Variants in DMD observed in about 807,000 individuals in gnomAD.
DMD encodes the protein dystrophin, also known as mutant dystrophin.
A neutral mutation model predicts 330.1 loss-of-function variants in DMD; 63 were observed. That is an observed-to-expected ratio of 0.19 (90% CI 0.16 to 0.24). The LOEUF (loss-of-function observed/expected upper bound fraction) is 0.24. Ranked by LOEUF, DMD falls within the 10% of genes least tolerant of loss-of-function variation. The pLI, the probability that DMD is intolerant of heterozygous loss-of-function variation, is 1.00. For synonymous variants in DMD, 1,223 were observed against 959.8 expected, an observed-to-expected ratio of 1.27 and a Z score of -5.07; for missense variants, 3,344 against 2,684.1, an observed-to-expected ratio of 1.25 and a Z score of -5.43.
intron 42 of DMD, among the ~76,000 whole-genome samples, chrX:32,309,789 G>A (rs965468516): frequency 9.0e-6 from 1 of 111,158 alleles, no homozygotes; most frequent in African/African-American, 3.3e-5. Context: ...TTCCATCAAA[G>A]TTTATTTACT....
chrX:33,147,666 G>A (rs2048096961), intron 1 of DMD, among the ~76,000 whole-genome samples: 1 of 111,274 alleles, frequency 9.0e-6, no homozygotes, highest in Non-Finnish European at 1.9e-5. Context: ...TTGGTCATAT[G>A]ATTCACTACA....
chrX:31,238,645 T>G (rs891699450), intron 63 of DMD, among the ~76,000 whole-genome samples: 17 of 112,103 alleles, frequency 1.5e-4, no homozygotes, highest in African/African-American at 5.5e-4. Context: ...TACGGTTGCA[T>G]CCCAGAGCCT....
At chrX:31,432,617 G>C (rs1241146514) in intron 60 of DMD, among the ~76,000 whole-genome samples, 1 of 111,577 alleles carries the variant, frequency 9.0e-6, no homozygotes, top group Admixed American at 9.5e-5. Context: ...CATTTAGACT[G>C]ACAAATGCCT....
intron 1 of DMD, among the ~76,000 whole-genome samples, chrX:33,274,411 A>G (rs2053204772): frequency 8.9e-6 from 1 of 111,752 alleles, no homozygotes; most frequent in African/African-American, 3.2e-5. Context: ...TCAGAGTCTT[A>G]GTCTGAACTA....
At chrX:33,155,799 GAA>G (rs767019506) in intron 1 of DMD, among the ~76,000 whole-genome samples, 15 of 100,286 alleles carry the variant, frequency 1.5e-4, no homozygotes, top group African/African-American at 4.7e-4. Context: ...TCTCTACAAA[GAA>G]AAAAAAAAAA....
intron 43 of DMD, among the ~76,000 whole-genome samples, chrX:32,260,013 G>T (rs940350635): frequency 9.0e-6 from 1 of 111,290 alleles, no homozygotes; most frequent in Non-Finnish European, 1.9e-5. Context: ...AAAATTTTTT[G>T]TCTGTCCAAT....
chrX:32,686,075 T>A (rs1473075025), intron 9 of DMD, among the ~76,000 whole-genome samples: 1 of 111,856 alleles, frequency 8.9e-6, no homozygotes, highest in Non-Finnish European at 1.9e-5. Flanking sequence ...ATGTATGACA[T>A]AATAGGAGGC....
At chrX:33,304,893 C>G (rs368722986) in intron 1 of DMD, among the ~76,000 whole-genome samples, 1 of 103,724 alleles carries the variant, frequency 9.6e-6, no homozygotes, top group Middle Eastern at 4.9e-3. Flanking sequence ...GTTAGAATGG[C>G]GATCATTAAA....
chrX:32,650,781 T>A (rs1481563053), intron 9 of DMD, among the ~76,000 whole-genome samples: 1 of 112,259 alleles, frequency 8.9e-6, no homozygotes, highest in Non-Finnish European at 1.9e-5. Flanking sequence ...CATGGCCTGC[T>A]GTTAGGGCAA....
intron 2 of DMD, among the ~76,000 whole-genome samples, chrX:32,940,119 A>G (rs2090303364): frequency 8.9e-6 from 1 of 111,876 alleles, no homozygotes; most frequent in Non-Finnish European, 1.9e-5. Flanking sequence ...CCAACTTCAA[A>G]CTATACTATA....
chrX:32,525,468 C>T (rs889755646), intron 17 of DMD, among the ~76,000 whole-genome samples: 2 of 111,579 alleles, frequency 1.8e-5, no homozygotes, highest in African/African-American at 6.5e-5. Context: ...CTACATCCAA[C>T]GCTTAGTTTT....
chrX:33,109,337 G>A lies in DMD; in HGVS notation c.32-89137C>T, dbSNP rs57153799. Among the ~76,000 whole-genome samples, 804 of 111,692 alleles carry A rather than the reference G, an allele frequency of 7.2e-3. 7 individuals carry two copies. The highest frequency in any genetic ancestry group is 0.025 in the African/African-American group (766 of 30,813). On this transcript the variant is annotated intron_variant, in intron 1 of 78. Transcript: ENST00000357033. Reference sequence around the variant, plus strand: ...CTCAACAAAGAATGCAAGCAAAATTGTCTTAATCTAGAACAGTTTGAAAAC... The same window carrying A: ...CTCAACAAAGAATGCAAGCAAAATTATCTTAATCTAGAACAGTTTGAAAAC...
At chrX:31,911,783 C>T (rs774409511) in intron 47 of DMD, among the ~76,000 whole-genome samples, 15 of 111,059 alleles carry the variant, frequency 1.4e-4, no homozygotes, top group East Asian at 5.7e-4. Flanking sequence ...TGACAATGAC[C>T]GATTGAGACC....
At chrX:31,660,254 A>T (rs1238806311) in intron 53 of DMD, among the ~76,000 whole-genome samples, 1 of 112,053 alleles carries the variant, frequency 8.9e-6, no homozygotes, top group Non-Finnish European at 1.9e-5. Flanking sequence ...CTTTTCTTCC[A>T]TACTCCTTTT....
upstream of DMD, among the ~76,000 whole-genome samples, chrX:33,216,026 T>A: frequency 9.0e-6 from 1 of 111,712 alleles, no homozygotes; most frequent in Non-Finnish European, 1.9e-5. Context: ...TCCATACAAA[T>A]TTGGATTAGT....
chrX:33,210,217 G>T (rs1365416230), intron 1 of DMD, among the ~76,000 whole-genome samples: 3 of 109,449 alleles, frequency 2.7e-5, no homozygotes, highest in African/African-American at 1.0e-4. Context: ...TTTTCCCAGT[G>T]GCAAAACTTC....
intron 7 of DMD, among the ~76,000 whole-genome samples, chrX:32,730,109 G>T (rs187929822): frequency 1.7e-4 from 19 of 112,052 alleles, no homozygotes; most frequent in Admixed American, 7.6e-4. Context: ...GAGGCAGGAG[G>T]ATCGCTTGAG....
chrX:32,777,066 TTTTTG>T, intron 7 of DMD, among the ~76,000 whole-genome samples: 1 of 109,381 alleles, frequency 9.1e-6, no homozygotes, highest in South Asian at 4.0e-4. Flanking sequence ...TTGTCTTTTT[TTTTTG>T]TTTTTACAGT....
intron 39 of DMD, among the ~76,000 whole-genome samples, chrX:32,343,702 G>A (rs772226985): frequency 9.0e-6 from 1 of 111,503 alleles, no homozygotes; most frequent in African/African-American, 3.2e-5. Flanking sequence ...TATATCTTTA[G>A]CCTTGGGGCT....
Sources: gnomAD v4.1 joint callset for allele counts (sites outside exome capture counted in the v4.1 genomes callset) on GRCh38, gnomAD v4.1.1 for gene constraint, MANE v1.5 for transcripts, NCBI Gene and HGNC (gene_info 2026-07-23, HGNC 2026-07-21) for gene names.